The following KYNU variants were observed in gnomAD, a reference collection of about 807,000 sequenced individuals.
The protein encoded by KYNU is L-kynurenine hydrolase.
In KYNU, 54 loss-of-function variants were observed where a neutral mutation model predicts 59.2. That is an observed-to-expected ratio of 0.91 (90% CI 0.73 to 1.14). The LOEUF (loss-of-function observed/expected upper bound fraction) is 1.14, where lower values mean the gene tolerates loss of function less well. Among genes scored for constraint, KYNU ranks in the 50% most tolerant of loss-of-function variants. KYNU has a pLI of 0.00. For missense variants in KYNU, 567 were observed against 554.4 expected (o/e 1.02, Z -0.23); for synonymous variants, 177 against 192.0 (o/e 0.92, Z 0.65).
intron 2 of KYNU, among the ~76,000 whole-genome samples, chr2:142,891,131 T>G (rs190533197): frequency 6.6e-6 from 1 of 152,352 alleles, no homozygotes; most frequent in East Asian, 1.9e-4. Context: ...ATCCTGCTTT[T>G]ACTTTTTTAA....
chr2:142,943,599 ATAT>A (rs1166809056), intron 4 of KYNU, among the ~76,000 whole-genome samples: 2 of 152,186 alleles, frequency 1.3e-5, no homozygotes, highest in African/African-American at 4.8e-5. Flanking sequence ...AATATTATTA[ATAT>A]TATTATTAAG....
intron 1 of KYNU, among the ~76,000 whole-genome samples, chr2:142,882,624 C>T (rs1681342239): frequency 6.6e-6 from 1 of 152,138 alleles, no homozygotes; most frequent in Non-Finnish European, 1.5e-5. Context: ...ATGATGGTTT[C>T]CAGCTTCATC....
In KYNU at chr2:143,045,062, T is replaced by G. The variant is rs1258967846; in HGVS notation, c.*2890T>G. 1 of 152,156 alleles carries G rather than the reference T, an allele frequency of 6.6e-6. No individual in the cohort carries two copies. The highest frequency in any genetic ancestry group is 1.5e-5 in the Non-Finnish European group (1 of 68,028). The allele number at this position is 152,156 out of a possible 1,614,324, so 9.4% of individuals were successfully genotyped here. A position where few individuals can be genotyped will look rare whatever the true frequency, so the allele number is the denominator to read the frequency against. On this transcript the variant is annotated 3_prime_UTR_variant, in exon 14 of 14. Transcript: ENST00000264170. ...AGTTTTCTGCATATGGCTAGCCAGT[T>G]TTCCCAACACTATTTATTAAATAGG... is the stretch of plus-strand genomic sequence containing the variant.
At chr2:142,924,166 G>A (rs566879522) in intron 3 of KYNU, among the ~76,000 whole-genome samples, 21 of 151,918 alleles carry the variant, frequency 1.4e-4, no homozygotes, top group African/African-American at 3.4e-4. Context: ...GTGCAGTGGC[G>A]TGATCATAGC....
At chr2:143,005,363 T>C (rs75125313) in intron 10 of KYNU, among the ~76,000 whole-genome samples, 1 of 152,236 alleles carries the variant, frequency 6.6e-6, no homozygotes, top group East Asian at 1.9e-4. Flanking sequence ...CCAGGTTCCA[T>C]GTTAGGACCT....
In KYNU at chr2:143,054,133, T is replaced by C. The variant is rs1251023441; in HGVS notation, c.*11961T>C. On this transcript the variant is annotated 3_prime_UTR_variant, in exon 14 of 14. Coordinates refer to ENST00000264170, the MANE Select transcript of KYNU (RefSeq NM_003937.3). ...TTACAACCACCAATTGGATACATTG[T>C]TTCAGTATTTTGAAATTTTTCATTT... 4 of 152,182 alleles carry C rather than the reference T, an allele frequency of 2.6e-5. No individual in the cohort carries two copies. The highest frequency in any genetic ancestry group is 9.7e-5 in the African/African-American group (4 of 41,446). 9.4% of individuals were successfully genotyped at this position (152,182 alleles called of 1,614,324 possible).
At chr2:142,930,421 A>G (rs1273820491) in intron 4 of KYNU, among the ~76,000 whole-genome samples, 1 of 152,184 alleles carries the variant, frequency 6.6e-6, no homozygotes, top group East Asian at 1.9e-4. Flanking sequence ...AGGGAGGAGA[A>G]AGGGTCTCCA....
At chr2:142,953,229 A>G (rs1684049940) in intron 4 of KYNU, among the ~76,000 whole-genome samples, 1 of 152,316 alleles carries the variant, frequency 6.6e-6, no homozygotes, top group Admixed American at 6.5e-5. Flanking sequence ...CCCCCGTACC[A>G]TTACCCACCG....
At chr2:143,013,800 G>A (rs1296825178) in intron 10 of KYNU, among the ~76,000 whole-genome samples, 1 of 152,150 alleles carries the variant, frequency 6.6e-6, no homozygotes, top group Admixed American at 6.5e-5. Flanking sequence ...GAACACTCAG[G>A]CATAGGTAAG....
intron 4 of KYNU, among the ~76,000 whole-genome samples, chr2:142,939,602 C>CAAAAAAAAAA (rs71301737): frequency 1.2e-3 from 76 of 65,002 alleles, no homozygotes; most frequent in African/African-American, 3.0e-3. Context: ...CTCCATCTCA[C>CAAAAAAAAAA]AAAAAAAAAA....
chr2:142,976,608 A>G (rs1179205636), intron 8 of KYNU, among the ~76,000 whole-genome samples: 2 of 152,192 alleles, frequency 1.3e-5, no homozygotes, highest in African/African-American at 2.4e-5. Flanking sequence ...GAAATCTATC[A>G]TTAGGTAAAT....
chr2:142,979,483 A>T (rs1684989331), intron 8 of KYNU, among the ~76,000 whole-genome samples: 1 of 152,176 alleles, frequency 6.6e-6, no homozygotes, highest in African/African-American at 2.4e-5. Flanking sequence ...GAAGAGAAAG[A>T]TGGTTAAAGA....
chr2:143,032,711 T>TGTGTGTGTGTGTGTGTG, intron 11 of KYNU, among the ~76,000 whole-genome samples: 1 of 129,370 alleles, frequency 7.7e-6, no homozygotes, highest in Non-Finnish European at 1.6e-5. Context: ...GCTCCCTCTA[T>TGTGTGTGTGTGTGTGTG]TGTGTGTGTG....
intron 10 of KYNU, among the ~76,000 whole-genome samples, chr2:143,002,984 A>G (rs576521546): frequency 4.0e-4 from 61 of 152,322 alleles, no homozygotes; most frequent in African/African-American, 1.5e-3. Flanking sequence ...CATTTATGCT[A>G]GAACTCCTTC....
chr2:143,006,441 T>C lies in KYNU; in HGVS notation c.902+20420T>C, dbSNP rs530426144. 3.6e-3 allele frequency among the ~76,000 whole-genome samples: 538 copies of C among 149,362 alleles called. 3 individuals are homozygous for C. The highest frequency in any genetic ancestry group is 0.027 in the Middle Eastern group (8 of 294). Reference sequence around the variant, plus strand: ...ATCTCGCTGATTGCTAGCACAGCAGTCTGAGATCAAACTGCAAGGTGGCAG... The same window carrying C: ...ATCTCGCTGATTGCTAGCACAGCAGCCTGAGATCAAACTGCAAGGTGGCAG... On this transcript the variant is annotated intron_variant, in intron 10 of 13. Transcript: ENST00000264170.
rs1687133521 is a variant in KYNU, at chr2:143,044,524, T to G, written c.*2352T>G. The G allele has an allele frequency of 6.6e-6, 1 of 152,244 alleles. No individual in the cohort carries two copies. Among genetic ancestry groups the G allele is most frequent in the African/African-American group, 2.4e-5 (1 of 41,462 alleles). 9.4% of individuals were successfully genotyped at this position (152,244 alleles called of 1,614,324 possible). A position where few individuals can be genotyped will look rare whatever the true frequency, so the allele number is the denominator to read the frequency against. On this transcript the variant is annotated 3_prime_UTR_variant, in exon 14 of 14. Transcript: ENST00000264170. ...TTCTTGACTTTTTAATGATTAGCAT[T>G]CTAACTGGCGTGAGATGGTATTTCA...
At chr2:142,945,183 C>T (rs529723410) in intron 4 of KYNU, among the ~76,000 whole-genome samples, 2 of 152,274 alleles carry the variant, frequency 1.3e-5, no homozygotes, top group South Asian at 4.1e-4. Flanking sequence ...GTCTTCCTTT[C>T]ATGGAAGAAA....
chr2:142,914,362 C>T (rs537191725), intron 2 of KYNU, among the ~76,000 whole-genome samples: 16 of 152,300 alleles, frequency 1.1e-4, no homozygotes, highest in African/African-American at 3.8e-4. Context: ...AGATGATCTA[C>T]TTGAAGTCGT....
At chr2:142,934,902 TTGTC>T (rs1683336501) in intron 4 of KYNU, among the ~76,000 whole-genome samples, 1 of 152,178 alleles carries the variant, frequency 6.6e-6, no homozygotes, top group South Asian at 2.1e-4. Context: ...GGTTTGGGCA[TTGTC>T]TGGACCAGTA....
Sources: allele counts gnomAD v4.1 joint callset (sites outside exome capture counted in the v4.1 genomes callset), GRCh38; gene constraint gnomAD v4.1.1; transcripts MANE v1.5; gene names NCBI Gene and HGNC (gene_info 2026-07-23, HGNC 2026-07-21).